SLC8A3: variants seen among roughly 807,000 people sequenced by gnomAD.
SLC8A3 encodes the protein sodium/calcium exchanger 3.
SLC8A3 carries 37 observed loss-of-function variants against 65.4 expected under a neutral mutation model. The ratio of observed to expected loss-of-function variants is 0.57; its 90% CI spans 0.44 to 0.74. SLC8A3 has a LOEUF of 0.74. Ranked by LOEUF, SLC8A3 falls within the 30% of genes least tolerant of loss-of-function variation. The pLI, the probability that SLC8A3 is intolerant of heterozygous loss-of-function variation, is 0.00. For synonymous variants in SLC8A3, 461 were observed against 444.5 expected, an observed-to-expected ratio of 1.04 and a Z score of -0.47; for missense variants, 1,112 against 1,172.1, an observed-to-expected ratio of 0.95 and a Z score of 0.75.
At chr14:70,123,678 G>A (rs1385999968) in intron 2 of SLC8A3, among the ~76,000 whole-genome samples, 3 of 152,092 alleles carry the variant, frequency 2.0e-5, no homozygotes, top group African/African-American at 4.8e-5. Flanking sequence ...TTGAACTCCC[G>A]ACCTCAGGTA....
At chr14:70,057,190 G>T (rs1594900393) in intron 3 of SLC8A3, among the ~76,000 whole-genome samples, 1 of 152,210 alleles carries the variant, frequency 6.6e-6, no homozygotes, top group Non-Finnish European at 1.5e-5. Context: ...ACATAAACAA[G>T]GCAGTTCACT....
intron 2 of SLC8A3, among the ~76,000 whole-genome samples, chr14:70,068,882 A>T (rs948338014): frequency 2.0e-5 from 3 of 152,064 alleles, no homozygotes; most frequent in African/African-American, 7.2e-5. Flanking sequence ...ACCTGCCACC[A>T]TGCCTGGCTA....
At chr14:70,073,999 A>G (rs999262445) in intron 2 of SLC8A3, among the ~76,000 whole-genome samples, 7 of 152,180 alleles carry the variant, frequency 4.6e-5, no homozygotes, top group African/African-American at 1.7e-4. Flanking sequence ...TCAATTAGAG[A>G]CTTAACTGCA....
intron 2 of SLC8A3, among the ~76,000 whole-genome samples, chr14:70,134,344 T>C (rs1211633237): frequency 1.3e-5 from 2 of 152,164 alleles, no homozygotes; most frequent in African/African-American, 4.8e-5. Context: ...AAAAGTAAGA[T>C]ATTGTTGACT....
At chr14:70,145,810 G>A (rs1895889649) in intron 2 of SLC8A3, among the ~76,000 whole-genome samples, 1 of 152,182 alleles carries the variant, frequency 6.6e-6, no homozygotes, top group African/African-American at 2.4e-5. Context: ...CACAGCTGTT[G>A]CTGTTGTGGA....
chr14:70,065,145 A>G lies in SLC8A3; in HGVS notation c.1785-4206T>C, dbSNP rs914747695. On this transcript the variant is annotated intron_variant, in intron 2 of 6. Coordinates refer to ENST00000356921, the MANE Select transcript of SLC8A3 (RefSeq NM_182932.3). ...TTTGTTGGAGGAGACTGAGGCCTTCAGTCTCCTTTTTTTCTTTTTTATAAA... is the reference window on the plus strand; with the variant it reads ...TTTGTTGGAGGAGACTGAGGCCTTCGGTCTCCTTTTTTTCTTTTTTATAAA... 2.4e-4 allele frequency among the ~76,000 whole-genome samples: 36 copies of G among 152,126 alleles called. 1 individual carries two copies. Among genetic ancestry groups the G allele is most frequent in the Middle Eastern group, 3.2e-3 (1 of 316 alleles).
chr14:70,050,142 G>A (rs1887315151), intron 5 of SLC8A3, among the ~76,000 whole-genome samples: 1 of 152,172 alleles, frequency 6.6e-6, no homozygotes, highest in East Asian at 1.9e-4. Flanking sequence ...CTTTGTAAAA[G>A]GAGCAGGGTA....
chr14:70,167,904 A>C lies in SLC8A3; in HGVS notation c.519T>G (p.Ser173Arg), dbSNP rs757916686. 23 of 1,613,916 alleles carry C rather than the reference A, an allele frequency of 1.4e-5. No individual in the cohort carries two copies. Among genetic ancestry groups the C allele is most frequent in the Non-Finnish European group, 1.8e-5 (21 of 1,180,016 alleles). The change falls in exon 2 of 7, where the codon AGT becomes AGG. Residue 173 changes from serine (S) to arginine (R), a missense_variant. Physicochemically the swap from Ser to Arg is moderately radical, Grantham distance 110. Coordinates refer to ENST00000356921, the MANE Select transcript of SLC8A3 (RefSeq NM_182932.3). ...TGATGATGAACATGTTGAAGGCTGCACTCCCTACAATGGTAGAAGGTCCCA... is the reference window on the plus strand; with the variant it reads ...TGATGATGAACATGTTGAAGGCTGCCCTCCCTACAATGGTAGAAGGTCCCA... ...GDLGPSTIVG[S>R]AAFNMFIIIG...
At chr14:70,115,982 A>C (rs1257950829) in intron 2 of SLC8A3, among the ~76,000 whole-genome samples, 1 of 152,172 alleles carries the variant, frequency 6.6e-6, no homozygotes, top group Non-Finnish European at 1.5e-5. Flanking sequence ...CTCATTTAAC[A>C]AAGCCTTTGT....
At chr14:70,164,541 C>A (rs943575545) in intron 2 of SLC8A3, among the ~76,000 whole-genome samples, 1 of 152,006 alleles carries the variant, frequency 6.6e-6, no homozygotes, top group East Asian at 1.9e-4. Flanking sequence ...CTCATTTGCA[C>A]CAAGATATTA....
rs759633305 is a variant in SLC8A3 at position 70,046,243 on chromosome 14, C to T, written c.2470G>A (p.Val824Ile). 21 of 1,614,080 alleles carry T rather than the reference C, an allele frequency of 1.3e-5. No individual in the cohort carries two copies. The Admixed American group carries it at 1.7e-4, about 13-fold the overall frequency. ...AGGCCGATGCCCAGGAAGACATTGA[C>T]GGCGTTGCTGCCCGTCACGTTGCCA... ...SIGNVTGSNAVNVFLGIGLAW... is the reference protein window; with the variant it reads ...SIGNVTGSNAINVFLGIGLAW... The change falls in exon 7 of 7, where the codon GTC becomes ATC. Residue 824 changes from valine (V) to isoleucine (I), a missense_variant. Coordinates refer to ENST00000356921, the MANE Select transcript of SLC8A3 (RefSeq NM_182932.3). This position sits in a 1 kb window ranked among gnomAD's most constrained non-coding sequence, Gnocchi z 4.2.
intron 2 of SLC8A3, among the ~76,000 whole-genome samples, chr14:70,103,540 G>T (rs1892666703): frequency 6.6e-6 from 1 of 152,016 alleles, no homozygotes; most frequent in Non-Finnish European, 1.5e-5. Flanking sequence ...GACATAGACT[G>T]CTGCAAGCTT....
At chr14:70,080,951 A>T (rs1891002246) in intron 2 of SLC8A3, among the ~76,000 whole-genome samples, 1 of 152,212 alleles carries the variant, frequency 6.6e-6, no homozygotes. Context: ...AATGTCACAC[A>T]GCTGGTAAAT....
chr14:70,121,716 T>C (rs1228353769), intron 2 of SLC8A3, among the ~76,000 whole-genome samples: 4 of 152,178 alleles, frequency 2.6e-5, no homozygotes, highest in Non-Finnish European at 4.4e-5. Flanking sequence ...TCGGTTGCCA[T>C]GGGAACAACT....
chr14:70,175,951 T>C (rs1897881023), intron 1 of SLC8A3, among the ~76,000 whole-genome samples: 1 of 152,142 alleles, frequency 6.6e-6, no homozygotes, highest in African/African-American at 2.4e-5. Context: ...GCCAGGTTGG[T>C]CTCGAACTCC....
At chr14:70,096,837 G>A (rs1405017122) in intron 2 of SLC8A3, among the ~76,000 whole-genome samples, 1 of 152,172 alleles carries the variant, frequency 6.6e-6, no homozygotes, top group Non-Finnish European at 1.5e-5. Flanking sequence ...TGCGGGATGA[G>A]GAGGGAAGCT....
chr14:70,154,743 T>C (rs913251279), intron 2 of SLC8A3, among the ~76,000 whole-genome samples: 2 of 152,208 alleles, frequency 1.3e-5, no homozygotes, highest in Non-Finnish European at 2.9e-5. Flanking sequence ...ACATTATTCT[T>C]AATGGTTACA....
chr14:70,149,575 G>A (rs537271386), intron 2 of SLC8A3, among the ~76,000 whole-genome samples: 2 of 152,306 alleles, frequency 1.3e-5, no homozygotes, highest in Non-Finnish European at 2.9e-5. Context: ...TGATCTGGGA[G>A]ATGGGTCTAG....
At chr14:70,066,323 C>A (rs1175453679) in intron 2 of SLC8A3, among the ~76,000 whole-genome samples, 1 of 152,168 alleles carries the variant, frequency 6.6e-6, no homozygotes, top group African/African-American at 2.4e-5. Flanking sequence ...TACAAGTCAC[C>A]AGCCAGATCT....
Sources: allele counts gnomAD v4.1 joint callset (sites outside exome capture counted in the v4.1 genomes callset), GRCh38; gene constraint gnomAD v4.1.1; non-coding constraint Gnocchi (gnomAD v3.1); transcripts MANE v1.5; gene names NCBI Gene and HGNC (gene_info 2026-07-23, HGNC 2026-07-21).